The following LTBP1 variants were observed in gnomAD, a reference collection of about 807,000 sequenced individuals.
The protein encoded by LTBP1 is latent transforming growth factor beta binding protein 1, also known as latent-transforming growth factor beta-binding protein 1.
LTBP1 carries 129 observed loss-of-function variants against 207.6 expected under a neutral mutation model. That is an observed-to-expected ratio of 0.62 (90% CI 0.54 to 0.72). The LOEUF is 0.72. LTBP1 is among the 30% of genes least tolerant of loss of function. LTBP1 has a pLI of 0.00. For missense variants in LTBP1, 2,281 were observed against 2,217.2 expected (o/e 1.03, Z -0.58); for synonymous variants, 963 against 833.7 (o/e 1.16, Z -2.67).
chr2:33,062,356 A>G (rs1225935485), intron 3 of LTBP1, among the ~76,000 whole-genome samples: 3 of 152,136 alleles, frequency 2.0e-5, no homozygotes, highest in Non-Finnish European at 4.4e-5. Context: ...GTGTCGCTCA[A>G]TAAATCTTTG....
chr2:33,385,702 A>G (rs919299148), intron 31 of LTBP1, among the ~76,000 whole-genome samples: 1 of 152,158 alleles, frequency 6.6e-6, no homozygotes, highest in Non-Finnish European at 1.5e-5. Context: ...TTACCCCACG[A>G]TCCTGGCCAA....
At chr2:33,135,612 G>A (rs1171611028) in intron 5 of LTBP1, among the ~76,000 whole-genome samples, 1 of 151,402 alleles carries the variant, frequency 6.6e-6, no homozygotes, top group African/African-American at 2.4e-5. Context: ...ATTACTCTCA[G>A]TACTCCTTTA....
chr2:33,164,247 G>C (rs1199077476), intron 5 of LTBP1, among the ~76,000 whole-genome samples: 1 of 151,186 alleles, frequency 6.6e-6, no homozygotes, highest in Non-Finnish European at 1.5e-5. Context: ...TGCTTGGGAG[G>C]CTGAGGCAGG....
At chr2:33,321,995 G>T (rs1417756973) in intron 24 of LTBP1, among the ~76,000 whole-genome samples, 1 of 152,200 alleles carries the variant, frequency 6.6e-6, no homozygotes, top group Non-Finnish European at 1.5e-5. Flanking sequence ...GGAGAAAGCT[G>T]AGGAAATTTT....
At chr2:33,048,915 C>G (rs2076583480) in intron 3 of LTBP1, among the ~76,000 whole-genome samples, 1 of 152,116 alleles carries the variant, frequency 6.6e-6, no homozygotes, top group Non-Finnish European at 1.5e-5. Flanking sequence ...TTATAAAAGA[C>G]AAACATTTTG....
Position 33,261,865 on chromosome 2 carries a change from T to G in LTBP1, c.2419-857T>G, listed in dbSNP as rs538610607. On this transcript the variant is annotated intron_variant, in intron 13 of 33. Transcript: ENST00000404816. ...GATACTTGAAGCCAGGAGAAGAGGATAAGAGGTTAACAGAGGCCAGAGGAG... is the reference window on the plus strand; with the variant it reads ...GATACTTGAAGCCAGGAGAAGAGGAGAAGAGGTTAACAGAGGCCAGAGGAG... Among the ~76,000 whole-genome samples, 15 of 152,258 alleles carry G rather than the reference T, an allele frequency of 9.9e-5. No individual in the cohort carries two copies. In the South Asian group the frequency reaches 2.1e-3, roughly 21 times the overall value.
At chr2:33,169,851 A>G (rs754500798) in intron 5 of LTBP1, among the ~76,000 whole-genome samples, 1 of 152,238 alleles carries the variant, frequency 6.6e-6, no homozygotes, top group African/African-American at 2.4e-5. Flanking sequence ...ACAAGGAGAA[A>G]TAAAAGCAGT....
At chr2:32,967,665 G>C (rs1441941361) in intron 2 of LTBP1, among the ~76,000 whole-genome samples, 1 of 152,064 alleles carries the variant, frequency 6.6e-6, no homozygotes, top group Non-Finnish European at 1.5e-5. Context: ...TAATTCCATT[G>C]TGACCTGAGA....
chr2:33,375,550 C>T (rs1324149550), intron 31 of LTBP1, among the ~76,000 whole-genome samples: 4 of 151,982 alleles, frequency 2.6e-5, no homozygotes, highest in East Asian at 1.9e-4. Flanking sequence ...TATTTTGAGA[C>T]GGAGTCTCGC....
In LTBP1 at chr2:33,392,820, C is replaced by T. The variant is rs139131529; in HGVS notation, c.4834+3514C>T. 2.9e-3 allele frequency among the ~76,000 whole-genome samples: 436 copies of T among 149,652 alleles called. 1 individual carries two copies. Among genetic ancestry groups the T allele is most frequent in the African/African-American group, 9.9e-3 (396 of 39,844 alleles). On this transcript the variant is annotated intron_variant, in intron 32 of 33. Transcript: ENST00000404816. ...GATACATGGGATCTGAAAATATTGT[C>T]GTAGATTAAGTCTTTATTTTGTGTG...
chr2:33,392,328 A>G (rs1163367443), intron 32 of LTBP1, among the ~76,000 whole-genome samples: 1 of 152,092 alleles, frequency 6.6e-6, no homozygotes, highest in South Asian at 2.1e-4. Context: ...CTGGGATTAT[A>G]GGCATGCACC....
At chr2:33,091,307 C>T (rs547407939) in intron 3 of LTBP1, among the ~76,000 whole-genome samples, 1 of 152,198 alleles carries the variant, frequency 6.6e-6, no homozygotes, top group South Asian at 2.1e-4. Context: ...GTTCCTAGTT[C>T]TCTCTGGTCT....
chr2:33,149,506 A>G (rs565859505), intron 5 of LTBP1, among the ~76,000 whole-genome samples: 1 of 152,194 alleles, frequency 6.6e-6, no homozygotes, highest in African/African-American at 2.4e-5. Context: ...TGCCAGAGCA[A>G]ACCCACAGCT....
intron 3 of LTBP1, among the ~76,000 whole-genome samples, chr2:33,082,363 A>G (rs2078461123): frequency 6.6e-6 from 1 of 151,532 alleles, no homozygotes; most frequent in Non-Finnish European, 1.5e-5. Context: ...GCACAAACAG[A>G]CTAGGACAGG....
chr2:33,015,319 C>T (rs184692251), intron 2 of LTBP1, among the ~76,000 whole-genome samples: 19 of 152,236 alleles, frequency 1.2e-4, no homozygotes, highest in South Asian at 4.1e-4. Flanking sequence ...TTGAATAAAT[C>T]GCAAATCAAG....
chr2:32,960,276 T>G (rs1678879191), intron 2 of LTBP1, among the ~76,000 whole-genome samples: 2 of 152,144 alleles, frequency 1.3e-5, no homozygotes, highest in Non-Finnish European at 2.9e-5. Flanking sequence ...GCTTGTCACA[T>G]TGCATCACAG....
chr2:33,069,525 A>G (rs1363168418), intron 3 of LTBP1, among the ~76,000 whole-genome samples: 2 of 152,150 alleles, frequency 1.3e-5, no homozygotes, highest in African/African-American at 4.8e-5. Flanking sequence ...TGGGGTGAAC[A>G]GAGGGCAGGT....
rs1678826707 is a variant in LTBP1, at chr2:32,959,988, TAGCG to T, written c.565+11046_565+11049del. On this transcript the variant is annotated intron_variant, in intron 2 of 33. Transcript: ENST00000404816. ...CCATATGCATTTCATGTTCACACCA[TAGCG>T]AGTAGACAGTTAACACTTAGCATCT... Among the ~76,000 whole-genome samples, 7 of 152,208 alleles carry T rather than the reference TAGCG, an allele frequency of 4.6e-5. No homozygotes were observed. The South Asian group carries it at 1.5e-3, about 32-fold the overall frequency.
chr2:33,192,990 A>C (rs2088086837), intron 7 of LTBP1, among the ~76,000 whole-genome samples: 1 of 152,102 alleles, frequency 6.6e-6, no homozygotes, highest in African/African-American at 2.4e-5. Flanking sequence ...TACTCCTAAC[A>C]CTGTCGCTTT....
Sources: gnomAD v4.1 joint callset for allele counts (sites outside exome capture counted in the v4.1 genomes callset) on GRCh38, gnomAD v4.1.1 for gene constraint, MANE v1.5 for transcripts, NCBI Gene and HGNC (gene_info 2026-07-23, HGNC 2026-07-21) for gene names.